The following EDN1 variants were observed in gnomAD, a reference collection of about 807,000 sequenced individuals.
EDN1 encodes the protein endothelin-1.
A neutral mutation model predicts 21.7 loss-of-function variants in EDN1; 11 were observed. That is an observed-to-expected ratio of 0.51 (90% CI 0.32 to 0.84). The LOEUF (loss-of-function observed/expected upper bound fraction) is 0.84. EDN1 is among the 40% of genes least tolerant of loss of function. The pLI, the probability that EDN1 is intolerant of heterozygous loss-of-function variation, is 0.03. For synonymous variants in EDN1, 85 were observed against 90.6 expected, an observed-to-expected ratio of 0.94 and a Z score of 0.35; for missense variants, 244 against 262.3, an observed-to-expected ratio of 0.93 and a Z score of 0.48.
chr6:12,293,879 A>G, intron 2 of EDN1, 62 bp from the exon 3 acceptor site: 1 of 1,580,466 alleles, frequency 6.3e-7, no homozygotes, highest in South Asian at 1.1e-5. Context: ...AGGTGTGTCC[A>G]TGTGTCATTT....
chr6:12,243,985 G>A, the EDN1 span, among the ~76,000 whole-genome samples: 1 of 152,050 alleles, frequency 6.6e-6, no homozygotes, highest in Admixed American at 6.6e-5. Flanking sequence ...TCTCACTGCA[G>A]ACTATAAGTT....
upstream of EDN1, among the ~76,000 whole-genome samples, chr6:12,288,528 A>G (rs1581881111): frequency 8.1e-6 from 1 of 123,264 alleles, no homozygotes; most frequent in South Asian, 2.3e-4. Context: ...GGGCCCCGGC[A>G]GAGGCCCTGG....
chr6:12,238,075 G>A, the EDN1 span, among the ~76,000 whole-genome samples: 3 of 151,066 alleles, frequency 2.0e-5, no homozygotes, highest in Non-Finnish European at 4.4e-5. Context: ...GGGAGGCTGA[G>A]GCAAGAGAAT....
chr6:12,295,618 A>G (rs1762804297), intron 4 of EDN1, among the ~76,000 whole-genome samples: 1 of 152,146 alleles, frequency 6.6e-6, no homozygotes, highest in Non-Finnish European at 1.5e-5. Context: ...TTCAAAACCT[A>G]TGCTGAGTTC....
At chr6:12,260,480 CCTGTTTTAT>C in the EDN1 span, among the ~76,000 whole-genome samples, 1 of 152,074 alleles carries the variant, frequency 6.6e-6, no homozygotes, top group Non-Finnish European at 1.5e-5. Context: ...AACTGCTTTT[CCTGTTTTAT>C]CAGTTTTATA....
At chr6:12,258,927 C>T in the EDN1 span, among the ~76,000 whole-genome samples, 1 of 152,112 alleles carries the variant, frequency 6.6e-6, no homozygotes, top group Non-Finnish European at 1.5e-5. Context: ...CATGGAATTT[C>T]CTGTCCTCAG....
the EDN1 span, among the ~76,000 whole-genome samples, chr6:12,278,916 A>T: frequency 6.6e-6 from 1 of 152,100 alleles, no homozygotes. Flanking sequence ...ACAAACAAAC[A>T]AAAAAAGCCT....
chr6:12,268,763 T>C, the EDN1 span, among the ~76,000 whole-genome samples: 34 of 152,312 alleles, frequency 2.2e-4, no homozygotes, highest in Non-Finnish European at 4.7e-4. Flanking sequence ...CCTCCAGCTT[T>C]ATTCTTTTTG....
the EDN1 span, among the ~76,000 whole-genome samples, chr6:12,260,425 T>C: frequency 6.6e-6 from 1 of 152,224 alleles, no homozygotes; most frequent in Non-Finnish European, 1.5e-5. Context: ...CACTTAACTT[T>C]GTTGCTTCTT....
chr6:12,288,885 A>G (rs894442838), upstream of EDN1, among the ~76,000 whole-genome samples: 3 of 152,242 alleles, frequency 2.0e-5, no homozygotes, highest in African/African-American at 7.2e-5. Context: ...AAACTGGAGT[A>G]AAACAAAAAG....
chr6:12,289,975 A>G (rs1762631929), upstream of EDN1, among the ~76,000 whole-genome samples: 1 of 152,122 alleles, frequency 6.6e-6, no homozygotes, highest in African/African-American at 2.4e-5. Context: ...GCACACAACA[A>G]TACAATCTAT....
the EDN1 span, among the ~76,000 whole-genome samples, chr6:12,266,381 G>T: frequency 0.037 from 5,620 of 152,252 alleles, 102 homozygotes; most frequent in Admixed American, 0.048. Flanking sequence ...ACAGGGAAAG[G>T]GTTTAGAGCA....
chr6:12,288,108 C>T (rs995112381), upstream of EDN1, among the ~76,000 whole-genome samples: 2 of 152,000 alleles, frequency 1.3e-5, no homozygotes, highest in African/African-American at 4.8e-5. Context: ...GGAGAAGGGA[C>T]TCCAGCTGAA....
In EDN1 at chr6:12,294,344, A is replaced by G; in HGVS notation, c.473A>G (p.Gln158Arg). The change falls in exon 4 of 5, where the codon CAG (glutamine) becomes CGG (arginine). Residue 158 changes from glutamine (Q) to arginine (R), a missense_variant. Transcript: ENST00000379375. ...AAGCTTGGGAAAAAGTGTATTTATCAGCAGTTAGTGAGAGGAAGAAAAATC... is the reference window on the plus strand; with the variant it reads ...AAGCTTGGGAAAAAGTGTATTTATCGGCAGTTAGTGAGAGGAAGAAAAATC... ...CSKLGKKCIY[Q>R]QLVRGRKIRR... 6.2e-7 allele frequency: 1 copy of G among 1,614,234 alleles called. No individual in the cohort carries two copies. Among genetic ancestry groups the G allele is most frequent in the Non-Finnish European group, 8.5e-7 (1 of 1,180,030 alleles).
chr6:12,239,554 A>G, the EDN1 span, among the ~76,000 whole-genome samples: 1 of 152,192 alleles, frequency 6.6e-6, no homozygotes, highest in South Asian at 2.1e-4. Flanking sequence ...AATAACTTAA[A>G]TATGATGGCT....
At chr6:12,270,854 A>G in the EDN1 span, among the ~76,000 whole-genome samples, 1 of 152,216 alleles carries the variant, frequency 6.6e-6, no homozygotes, top group African/African-American at 2.4e-5. Flanking sequence ...TGATCTGTCC[A>G]TTGCTGAAAG....
chr6:12,234,016 G>A, the EDN1 span, among the ~76,000 whole-genome samples: 2 of 152,320 alleles, frequency 1.3e-5, no homozygotes, highest in South Asian at 2.1e-4. Context: ...AATGCTCCTT[G>A]TGTGGCTCAC....
At chr6:12,281,236 T>C in the EDN1 span, among the ~76,000 whole-genome samples, 2 of 152,350 alleles carry the variant, frequency 1.3e-5, no homozygotes, top group Non-Finnish European at 2.9e-5. Context: ...TTCACCCCAG[T>C]CAACATTCAG....
the EDN1 span, among the ~76,000 whole-genome samples, chr6:12,279,663 C>G: frequency 1.6e-4 from 24 of 152,138 alleles, no homozygotes; most frequent in African/African-American, 5.1e-4. Context: ...CCTCCTTGCA[C>G]ATTCATTTTG....
Sources: allele counts gnomAD v4.1 joint callset (sites outside exome capture counted in the v4.1 genomes callset), GRCh38; gene constraint gnomAD v4.1.1; transcripts MANE v1.5; gene names NCBI Gene and HGNC (gene_info 2026-07-23, HGNC 2026-07-21).